The following ITPRID1 variants were observed in gnomAD, a reference collection of about 807,000 sequenced individuals.
The protein encoded by ITPRID1 is protein ITPRID1.
A neutral mutation model predicts 95.4 loss-of-function variants in ITPRID1; 96 were observed. The ratio of observed to expected loss-of-function variants is 1.01; its 90% CI spans 0.85 to 1.19. The LOEUF (loss-of-function observed/expected upper bound fraction) is 1.19, where lower values mean the gene tolerates loss of function less well. Ranked by LOEUF, ITPRID1 falls within the 50% of genes most tolerant of loss-of-function variation. ITPRID1 has a pLI of 0.00. For synonymous variants in ITPRID1, 510 were observed against 453.6 expected (o/e 1.12, Z -1.58); for missense variants, 1,339 against 1,252.9 (o/e 1.07, Z -1.04).
chr7:31,537,135 T>TGTGTG, intron 1 of ITPRID1, among the ~76,000 whole-genome samples: 1 of 114,242 alleles, frequency 8.8e-6, no homozygotes, highest in South Asian at 2.8e-4. Context: ...GTGTGTGTGT[T>TGTGTG]TCCCCTTCCA....
chr7:31,608,697 A>G (rs925038751), intron 10 of ITPRID1, among the ~76,000 whole-genome samples: 7 of 151,820 alleles, frequency 4.6e-5, no homozygotes, highest in Non-Finnish European at 8.9e-5. Context: ...TATTTTTTGT[A>G]TATTGATCTT....
At chr7:31,604,690 G>C (rs1390734422) in intron 10 of ITPRID1, among the ~76,000 whole-genome samples, 1 of 152,168 alleles carries the variant, frequency 6.6e-6, no homozygotes, top group Non-Finnish European at 1.5e-5. Context: ...AGATAGAAAA[G>C]AGCATGCTTT....
At chr7:31,627,948 A>C (rs997872431) in intron 10 of ITPRID1, among the ~76,000 whole-genome samples, 2 of 152,212 alleles carry the variant, frequency 1.3e-5, no homozygotes, top group Non-Finnish European at 2.9e-5. Flanking sequence ...AGAGAGTTTT[A>C]GAAAGGGGCT....
chr7:31,613,569 A>G (rs552423528), intron 10 of ITPRID1, among the ~76,000 whole-genome samples: 4 of 152,190 alleles, frequency 2.6e-5, no homozygotes, highest in Non-Finnish European at 5.9e-5. Flanking sequence ...TTAGTCAGTA[A>G]CAATGAATTT....
rs1367109818 is a variant in ITPRID1, at chr7:31,654,035, TTGGA to T, written c.*1209_*1212del. ...AGATGGACTTTCTACTCAGAAAGAG[TTGGA>T]TGAAGAGTAAGTCCAAAAAAAAAAA... On this transcript the variant is annotated 3_prime_UTR_variant, in exon 15 of 15. Coordinates refer to ENST00000615280, the MANE Select transcript of ITPRID1 (RefSeq NM_001257967.3). Among the ~76,000 whole-genome samples the T allele has an allele frequency of 2.3e-4, 30 of 128,028 alleles. No homozygotes were observed. The highest frequency in any genetic ancestry group is 8.3e-4 in the African/African-American group (27 of 32,696). 84.0% of individuals were successfully genotyped at this position (128,028 alleles called of 152,430 possible). A position where few individuals can be genotyped will look rare whatever the true frequency, so the allele number is the denominator to read the frequency against.
chr7:31,605,656 G>A (rs1786590430), intron 10 of ITPRID1, among the ~76,000 whole-genome samples: 1 of 152,226 alleles, frequency 6.6e-6, no homozygotes, highest in Admixed American at 6.5e-5. Context: ...GGAAACTGGT[G>A]ATAGAAGAGG....
intron 10 of ITPRID1, among the ~76,000 whole-genome samples, chr7:31,595,253 C>T (rs1786036154): frequency 6.6e-6 from 1 of 151,466 alleles, no homozygotes; most frequent in Non-Finnish European, 1.5e-5. Flanking sequence ...CCATATTGGC[C>T]AGGCTGGTCT....
chr7:31,640,928 G>A (rs1013743592), intron 10 of ITPRID1, among the ~76,000 whole-genome samples: 7 of 152,128 alleles, frequency 4.6e-5, no homozygotes, highest in East Asian at 3.9e-4. Flanking sequence ...GTTTGAGGCT[G>A]AATTAAAGAG....
At chr7:31,658,081 A>G (rs1791377821), downstream of ITPRID1, among the ~76,000 whole-genome samples, 1 of 152,214 alleles carries the variant, frequency 6.6e-6, no homozygotes, top group African/African-American at 2.4e-5. Flanking sequence ...TGATTTCGTT[A>G]TGCATGAGGG....
At position 31,653,734 on chromosome 7, in the gene ITPRID1, T is replaced by C. The variant is rs1791146771; in HGVS notation, c.*905T>C. ...ACTTCATAATTTTGGGGTCCTGAGG[T>C]TTATTTTCCTTTCACAGAATATAAA... On this transcript the variant is annotated 3_prime_UTR_variant, in exon 15 of 15. Coordinates refer to ENST00000615280, the MANE Select transcript of ITPRID1 (RefSeq NM_001257967.3). 6.6e-6 allele frequency: 1 copy of C among 152,218 alleles called. No individual in the cohort carries two copies. The highest frequency in any genetic ancestry group is 2.1e-4 in the South Asian group (1 of 4,830). 9.4% of individuals were successfully genotyped at this position (152,218 alleles called of 1,614,324 possible).
intron 9 of ITPRID1, among the ~76,000 whole-genome samples, chr7:31,581,539 T>C (rs543040221): frequency 6.6e-6 from 1 of 152,262 alleles, no homozygotes; most frequent in Admixed American, 6.5e-5. Context: ...TCTCTAGAAG[T>C]CACATGTGAG....
At position 31,643,142 on chromosome 7, in the gene ITPRID1, G is replaced by A; in HGVS notation, c.1772G>A (p.Ser591Asn). 1 of 1,613,924 alleles carries A rather than the reference G, an allele frequency of 6.2e-7. No homozygotes were observed. The highest frequency in any genetic ancestry group is 8.5e-7 in the Non-Finnish European group (1 of 1,179,896). The change falls in exon 12 of 15, where the codon AGC becomes AAC. Residue 591 changes from serine (S) to asparagine (N), a missense_variant. Transcript: ENST00000615280. ...VRPEGAGKVQSHHNESQRSPG... is the reference protein window; with the variant it reads ...VRPEGAGKVQNHHNESQRSPG... ...CCTGAGGGAGCTGGCAAAGTGCAAA[G>A]CCACCACAATGAGTCTCAAAGGTCA...
chr7:31,577,808 T>C, intron 8 of ITPRID1, 55 bp from the exon 9 acceptor site: 1 of 1,422,880 alleles, frequency 7.0e-7, no homozygotes, highest in Non-Finnish European at 9.4e-7. Context: ...TACGTTAATA[T>C]GGTTTCAGCA....
rs765617651 is a variant in ITPRID1, at chr7:31,554,492, A to C, written c.181A>C (p.Ser61Arg). 1 of 1,613,002 alleles carries C rather than the reference A, an allele frequency of 6.2e-7. No individual in the cohort carries two copies. Among genetic ancestry groups the C allele is most frequent in the South Asian group, 1.1e-5 (1 of 90,942 alleles). The change falls in exon 4 of 15, where the codon AGT (serine) becomes CGT (arginine). Residue 61 changes from serine to arginine, a missense_variant. Ser to Arg is a moderately radical substitution (Grantham distance 110, BLOSUM62 -1). Transcript: ENST00000615280. ...ACTTGTAGAAGATTCCAAGCAAGAAAGTATTCAGCAGTGGCTGGACTCTGG... is the reference window on the plus strand; with the variant it reads ...ACTTGTAGAAGATTCCAAGCAAGAACGTATTCAGCAGTGGCTGGACTCTGG... The part of the protein sequence containing the change: ...IPMLEDSKQE[S>R]IQQWLDSGFF...
At chr7:31,563,069 A>T (rs932489275) in intron 5 of ITPRID1, among the ~76,000 whole-genome samples, 6 of 152,236 alleles carry the variant, frequency 3.9e-5, no homozygotes, top group Non-Finnish European at 5.9e-5. Context: ...CCCCAAAGTT[A>T]GTCGACAAAA....
chr7:31,640,499 T>C (rs1451931765), intron 10 of ITPRID1, among the ~76,000 whole-genome samples: 1 of 152,252 alleles, frequency 6.6e-6, no homozygotes, highest in East Asian at 1.9e-4. Context: ...TCTGCAAGGC[T>C]CAGCCTGGGT....
chr7:31,547,203 G>C (rs971463102), intron 1 of ITPRID1, among the ~76,000 whole-genome samples: 2 of 152,202 alleles, frequency 1.3e-5, no homozygotes, highest in East Asian at 3.8e-4. Context: ...GAAACTGCGA[G>C]TTCTGGCTGA....
chr7:31,572,187 AG>A lies in ITPRID1; in HGVS notation c.395+1del, dbSNP rs1562577913. 6.3e-7 allele frequency: 1 copy of A among 1,594,648 alleles called. No homozygotes were observed. ...SCYSTASVPQ[S>X]IPEWLEFWEI... is the part of the protein sequence containing the mutation. ...CTATTCTACTGCAAGTGTACCACAA[AG>A]GTATGTAATTTCCAGGTGCTTTTCA... On this transcript the variant is annotated frameshift_variant and splice_region_variant, in exon 7 of 15. Transcript: ENST00000615280. LOFTEE classifies it high-confidence loss of function.
chr7:31,632,223 T>C (rs1270202742), intron 10 of ITPRID1, among the ~76,000 whole-genome samples: 1 of 151,880 alleles, frequency 6.6e-6, no homozygotes, highest in Non-Finnish European at 1.5e-5. Flanking sequence ...CTGAGGCAGG[T>C]GGATCATGAG....
Sources: allele counts gnomAD v4.1 joint callset (sites outside exome capture counted in the v4.1 genomes callset), GRCh38; gene constraint gnomAD v4.1.1; transcripts MANE v1.5; gene names NCBI Gene and HGNC (gene_info 2026-07-23, HGNC 2026-07-21).